TRPM1: variants seen among roughly 807,000 people sequenced by gnomAD.
TRPM1 encodes TRPM1-203 APA Isoform, Intron 10.
Under a neutral mutation model 149.4 loss-of-function variants are expected in TRPM1, and 113 were observed. The ratio of observed to expected loss-of-function variants is 0.76; its 90% CI spans 0.65 to 0.88. The LOEUF (loss-of-function observed/expected upper bound fraction) is 0.88, where lower values mean the gene tolerates loss of function less well. Ranked by LOEUF, TRPM1 falls within the 40% of genes least tolerant of loss-of-function variation. The pLI, the probability that TRPM1 is intolerant of heterozygous loss-of-function variation, is 0.00. For missense variants in TRPM1, 1,976 were observed against 2,038.7 expected, an observed-to-expected ratio of 0.97 and a Z score of 0.59; for synonymous variants, 741 against 759.5, an observed-to-expected ratio of 0.98 and a Z score of 0.40.
intron 27 of TRPM1, among the ~76,000 whole-genome samples, chr15:31,025,891 G>A (rs1465590363): frequency 1.3e-5 from 2 of 152,240 alleles, no homozygotes; most frequent in South Asian, 2.1e-4. Context: ...GGGGGTGAAG[G>A]TAGTCAACTG....
At chr15:31,077,515 C>T (rs945295831) in intron 2 of TRPM1, among the ~76,000 whole-genome samples, 7 of 152,128 alleles carry the variant, frequency 4.6e-5, no homozygotes, top group African/African-American at 1.7e-4. Context: ...CTGAAGGGCC[C>T]CATTGGGTCT....
intron 1 of TRPM1, among the ~76,000 whole-genome samples, chr15:31,114,865 A>G (rs1270548165): frequency 6.6e-6 from 1 of 152,246 alleles, no homozygotes; most frequent in African/African-American, 2.4e-5. Flanking sequence ...CATAGCACAA[A>G]AAAGAGTAAA....
upstream of TRPM1, among the ~76,000 whole-genome samples, chr15:31,103,430 G>A (rs146157976): frequency 1.6e-4 from 24 of 152,328 alleles, no homozygotes; most frequent in East Asian, 4.2e-3. Flanking sequence ...GATAATAATC[G>A]ATTGCACATT....
At chr15:31,105,638 C>T (rs1186359265), upstream of TRPM1, among the ~76,000 whole-genome samples, 1 of 152,148 alleles carries the variant, frequency 6.6e-6, no homozygotes, top group African/African-American at 2.4e-5. Flanking sequence ...TTCTCTTTTG[C>T]TTTATCCTGA....
At chr15:31,021,742 T>G (rs1488236050) in intron 27 of TRPM1, among the ~76,000 whole-genome samples, 2 of 150,104 alleles carry the variant, frequency 1.3e-5, no homozygotes, top group Non-Finnish European at 3.0e-5. Flanking sequence ...TTAATCCATA[T>G]CCACAAATCT....
chr15:31,029,479 A>T (rs1567000001), intron 23 of TRPM1, 88 bp from the exon 24 acceptor site: 4 of 1,313,358 alleles, frequency 3.0e-6, no homozygotes, highest in Admixed American at 1.8e-5. Context: ...TTGAGAGAAA[A>T]GTAAAACAAG....
chr15:31,003,392 G>T (rs76312270), intron 27 of TRPM1, among the ~76,000 whole-genome samples: 8,729 of 152,260 alleles, frequency 0.057, 372 homozygotes, highest in Admixed American at 0.13. Flanking sequence ...TTGGAAGTAG[G>T]TCTATTATTA....
chr15:31,028,627 C>A, intron 24 of TRPM1, 151 bp from the exon 25 acceptor site: 1 of 1,038,218 alleles, frequency 9.6e-7, no homozygotes, highest in Non-Finnish European at 1.4e-6. Context: ...AAAATAAACT[C>A]TGTAGCCCCA....
At chr15:31,074,171 A>G (rs531817802) in intron 3 of TRPM1, among the ~76,000 whole-genome samples, 96 of 152,172 alleles carry the variant, frequency 6.3e-4, no homozygotes, top group African/African-American at 2.2e-3. Context: ...ATCTTGTGAT[A>G]TCTTTGTCTA....
At chr15:31,038,457 A>G (rs532496993) in intron 18 of TRPM1, among the ~76,000 whole-genome samples, 2 of 152,362 alleles carry the variant, frequency 1.3e-5, no homozygotes, top group African/African-American at 4.8e-5. Flanking sequence ...CACACCTGTA[A>G]TCCCAGCACT....
Position 31,038,041 on chromosome 15 carries a change from G to T in TRPM1, c.2439+3C>A. On this transcript the variant is annotated splice_donor_region_variant and intron_variant, in intron 19 of 27. Transcript: ENST00000256552. ...TATGCTTAGGGTCAAGTGTGTCACT[G>T]ACCGTATTTTCCTCTTCTTTTTCTT... The T allele has an allele frequency of 1.2e-6, 2 of 1,614,044 alleles. No individual in the cohort carries two copies. The highest frequency in any genetic ancestry group is 2.2e-5 in the South Asian group (2 of 90,992).
intron 1 of TRPM1, among the ~76,000 whole-genome samples, chr15:31,144,198 G>A (rs1259968730): frequency 2.0e-5 from 3 of 152,160 alleles, no homozygotes; most frequent in African/African-American, 7.2e-5. Flanking sequence ...CCAGCACTCT[G>A]GGAGGCCGAG....
intron 1 of TRPM1, among the ~76,000 whole-genome samples, chr15:31,135,140 G>A (rs765680840): frequency 2.6e-5 from 4 of 152,152 alleles, no homozygotes; most frequent in Non-Finnish European, 4.4e-5. Flanking sequence ...CTCATGAAGG[G>A]TGAAGGAGAA....
At chr15:31,078,391 G>A (rs1021089713) in intron 2 of TRPM1, among the ~76,000 whole-genome samples, 1 of 152,190 alleles carries the variant, frequency 6.6e-6, no homozygotes, top group African/African-American at 2.4e-5. Flanking sequence ...ACTAGGGCGT[G>A]CAAGTACCCC....
chr15:31,068,123 G>T, intron 4 of TRPM1, 31 bp from the exon 5 acceptor site: 1 of 1,599,248 alleles, frequency 6.3e-7, no homozygotes. Context: ...CTCAGCCTCT[G>T]TTCTTGGTTT....
intron 1 of TRPM1, among the ~76,000 whole-genome samples, chr15:31,082,059 G>T (rs554114490): frequency 3.6e-4 from 55 of 152,254 alleles, no homozygotes; most frequent in African/African-American, 1.3e-3. Context: ...CTTACAGATT[G>T]GTCATGCAAG....
intron 27 of TRPM1, among the ~76,000 whole-genome samples, chr15:31,020,072 G>C (rs2032505197): frequency 6.6e-6 from 1 of 152,208 alleles, no homozygotes; most frequent in East Asian, 1.9e-4. Context: ...GCTGTATGCT[G>C]CCTCATTTAA....
In TRPM1 at chr15:31,040,099, C is replaced by T. The variant is rs766451397; in HGVS notation, c.2316+19G>A. Reference sequence around the variant, plus strand: ...TTGTCACTGTCACCCTGGCCCGCCTCGCAGCACGTTGCACGCACCTTCAGG... The same window carrying T: ...TTGTCACTGTCACCCTGGCCCGCCTTGCAGCACGTTGCACGCACCTTCAGG... On this transcript the variant is annotated intron_variant, in intron 18 of 27. Coordinates refer to ENST00000256552, the MANE Select transcript of TRPM1 (RefSeq NM_001252024.2). The surrounding 1 kb of genome is among the most constrained non-coding windows in gnomAD (Gnocchi z 4.2). 6.2e-6 allele frequency: 10 copies of T among 1,611,844 alleles called. No homozygotes were observed. The highest frequency in any genetic ancestry group is 3.3e-5 in the Admixed American group (2 of 60,028).
intron 3 of TRPM1, among the ~76,000 whole-genome samples, chr15:31,074,351 T>A (rs1177266684): frequency 6.6e-6 from 1 of 152,176 alleles, no homozygotes; most frequent in Non-Finnish European, 1.5e-5. Context: ...ACAGTTTTTT[T>A]ATTACTAATC....
Sources: allele counts gnomAD v4.1 joint callset (sites outside exome capture counted in the v4.1 genomes callset), GRCh38; gene constraint gnomAD v4.1.1; non-coding constraint Gnocchi (gnomAD v3.1); transcripts MANE v1.5; gene names NCBI Gene and HGNC (gene_info 2026-07-23, HGNC 2026-07-21).